Variants in GCFC2 observed in about 807,000 individuals in gnomAD.
GCFC2 encodes GC-rich sequence DNA-binding factor 2.
Under a neutral mutation model 99.4 loss-of-function variants are expected in GCFC2, and 102 were observed. The ratio of observed to expected loss-of-function variants is 1.03; its 90% CI spans 0.87 to 1.21. GCFC2 has a LOEUF of 1.21. GCFC2 is among the 50% of genes most tolerant of loss of function. The pLI, the probability that GCFC2 is intolerant of heterozygous loss-of-function variation, is 0.00. For synonymous variants in GCFC2, 338 were observed against 316.8 expected, an observed-to-expected ratio of 1.07 and a Z score of -0.71; for missense variants, 973 against 920.9, an observed-to-expected ratio of 1.06 and a Z score of -0.73.
chr2:75,667,817 C>G (rs1444489781), intron 15 of GCFC2, among the ~76,000 whole-genome samples: 2 of 152,152 alleles, frequency 1.3e-5, no homozygotes, highest in Non-Finnish European at 2.9e-5. Flanking sequence ...ATAATAGACC[C>G]TATGGTCAAA....
In GCFC2 at chr2:75,680,227, G is replaced by C. The variant is rs770117961; in HGVS notation, c.1778C>G (p.Ser593Cys). ...TTTACTAACTTCATTTTCACAAGTG[G>C]AATGTTCTTCAAGAATCACTCTGCA... Reference protein sequence around the residue: ...THCRVILEEHSTCENEVSKSR... With the variant: ...THCRVILEEHCTCENEVSKSR... The change falls in exon 12 of 17, where the codon TCC becomes TGC. Residue 593 changes from serine to cysteine, a missense_variant. Ser to Cys is a moderately radical substitution (Grantham distance 112). Coordinates refer to ENST00000321027, the MANE Select transcript of GCFC2 (RefSeq NM_003203.5). 6.2e-7 allele frequency: 1 copy of C among 1,605,766 alleles called. No individual in the cohort carries two copies. The highest frequency in any genetic ancestry group is 8.5e-7 in the Non-Finnish European group (1 of 1,173,014).
chr2:75,705,841 T>C (rs545480443), intron 2 of GCFC2, among the ~76,000 whole-genome samples: 74 of 152,290 alleles, frequency 4.9e-4, no homozygotes, highest in Non-Finnish European at 8.5e-4. Flanking sequence ...ATAAATATTT[T>C]TCACTTTGCG....
At chr2:75,692,986 G>C (rs1302641795) in intron 6 of GCFC2, among the ~76,000 whole-genome samples, 1 of 152,062 alleles carries the variant, frequency 6.6e-6, no homozygotes, top group Non-Finnish European at 1.5e-5. Context: ...TAATGCACAG[G>C]CTGACAAAAT....
At position 75,664,717 on chromosome 2, in the gene GCFC2, G is replaced by A; in HGVS notation, c.2295C>T (p.Phe765=). The A allele has an allele frequency of 1.9e-6, 3 of 1,569,586 alleles. No individual in the cohort carries two copies. The highest frequency in any genetic ancestry group is 1.1e-5 in the South Asian group (1 of 90,056). Residue 765 remains phenylalanine, a synonymous_variant, in exon 17 of 17, where the codon TTC becomes TTT. Coordinates refer to ENST00000321027, the MANE Select transcript of GCFC2 (RefSeq NM_003203.5). ...GATGGTCTAGGTGATGCTCTCCTAT[G>A]AAGGATTCTGCTTGATTCAAAGCTT... is the stretch of plus-strand genomic sequence containing the variant. The part of the protein sequence containing the change: ...KIKALNQAES[F]IGEHHLDHLK...
At position 75,690,095 on chromosome 2, in the gene GCFC2, C is replaced by T. The variant is rs1245333690; in HGVS notation, c.1227-14G>A. ...CTTCTTTTTGTCCTATATTTTGCAA[C>T]AAACCAAAAATAAACAAAAAGTAAG... is the stretch of plus-strand genomic sequence containing the variant. On this transcript the variant is annotated splice_polypyrimidine_tract_variant and intron_variant, in intron 8 of 16. Transcript: ENST00000321027. 6.7e-7 allele frequency: 1 copy of T among 1,489,490 alleles called. No individual in the cohort carries two copies. Among genetic ancestry groups the T allele is most frequent in the African/African-American group, 1.4e-5 (1 of 71,578 alleles). The allele number at this position is 1,489,490 out of a possible 1,614,324, so 92.3% of individuals were successfully genotyped here. A position where few individuals can be genotyped will look rare whatever the true frequency, so the allele number is the denominator to read the frequency against.
chr2:75,696,859 C>T (rs1471080442), intron 4 of GCFC2, among the ~76,000 whole-genome samples: 2 of 152,032 alleles, frequency 1.3e-5, no homozygotes, highest in Non-Finnish European at 2.9e-5. Flanking sequence ...AATCTCGGCT[C>T]ACTGCAAGCT....
intron 12 of GCFC2, chr2:75,679,989 T>C (rs1679497347): frequency 6.3e-6 from 3 of 472,638 alleles, no homozygotes; most frequent in Non-Finnish European, 1.1e-5. Flanking sequence ...AGATAAAAAA[T>C]AGCCAAGTCC....
intron 2 of GCFC2, among the ~76,000 whole-genome samples, chr2:75,704,850 A>AT (rs538570199): frequency 4.9e-4 from 74 of 152,056 alleles, no homozygotes; most frequent in African/African-American, 1.7e-3. Context: ...TAATTTTTAC[A>AT]TTTTTAGTAA....
At chr2:75,712,054 A>G (rs1305507280), upstream of GCFC2, among the ~76,000 whole-genome samples, 2 of 152,258 alleles carry the variant, frequency 1.3e-5, no homozygotes, top group Non-Finnish European at 2.9e-5. Flanking sequence ...TGGTGGGGAC[A>G]TAGAGAGTCT....
At chr2:75,702,159 T>C (rs1558751974) in intron 3 of GCFC2, 40 bp downstream of exon 3, 2 of 1,578,114 alleles carry the variant, frequency 1.3e-6, no homozygotes, top group Non-Finnish European at 1.7e-6. Context: ...TATATTCTAA[T>C]AAAAAATATC....
chr2:75,672,278 ATATGTTTATAAAAT>A (rs1679136650), intron 13 of GCFC2, among the ~76,000 whole-genome samples: 2 of 126,600 alleles, frequency 1.6e-5, no homozygotes, highest in Non-Finnish European at 3.3e-5. Context: ...ATATTTATAA[ATATGTTTATAAAAT>A]ATATATTTAT....
chr2:75,704,847 TACA>T lies in GCFC2; in HGVS notation c.394+1673_394+1675del, dbSNP rs1243399335. ...CATGCCACCATGCCTGGCTAATTTT[TACA>T]TTTTTAGTAAAGCCAGGGTTTCACC... On this transcript the variant is annotated intron_variant, in intron 2 of 16. Coordinates refer to ENST00000321027, the MANE Select transcript of GCFC2 (RefSeq NM_003203.5). Among the ~76,000 whole-genome samples, 62 of 152,338 alleles carry T rather than the reference TACA, an allele frequency of 4.1e-4. 1 individual carries two copies. The highest frequency in any genetic ancestry group is 1.5e-3 in the African/African-American group (61 of 41,588).
intron 4 of GCFC2, among the ~76,000 whole-genome samples, chr2:75,698,503 A>G (rs562696537): frequency 4.9e-4 from 75 of 152,338 alleles, no homozygotes; most frequent in Middle Eastern, 6.8e-3. Flanking sequence ...ATCAGTTGTT[A>G]TAACGATATA....
At chr2:75,667,479 T>C (rs1678897041) in intron 15 of GCFC2, among the ~76,000 whole-genome samples, 1 of 152,222 alleles carries the variant, frequency 6.6e-6, no homozygotes, top group Non-Finnish European at 1.5e-5. Context: ...ATTTAAAACA[T>C]GGTTGAGGAA....
chr2:75,710,266 G>A (rs1341422329), intron 1 of GCFC2, among the ~76,000 whole-genome samples: 1 of 152,182 alleles, frequency 6.6e-6, no homozygotes, highest in Non-Finnish European at 1.5e-5. Context: ...GAACTTTGTT[G>A]TGACAGTTTA....
chr2:75,673,655 CA>C (rs1183356385), intron 12 of GCFC2, 135 bp from the exon 13 acceptor site: 26 of 602,974 alleles, frequency 4.3e-5, no homozygotes, highest in South Asian at 6.3e-5. Flanking sequence ...CAATTGGGTA[CA>C]AAAAAAACCT....
chr2:75,709,590 G>C (rs1411071656), intron 1 of GCFC2, among the ~76,000 whole-genome samples: 1 of 152,132 alleles, frequency 6.6e-6, no homozygotes, highest in African/African-American at 2.4e-5. Flanking sequence ...ACTGGTCAAA[G>C]GGCACACATT....
chr2:75,706,729 G>T, intron 1 of GCFC2, 78 bp from the exon 2 acceptor site: 1 of 929,228 alleles, frequency 1.1e-6, no homozygotes, highest in Non-Finnish European at 1.7e-6. Context: ...AACAACACAT[G>T]GCATATGTAT....
Position 75,703,294 on chromosome 2 carries a change from G to C in GCFC2, c.395-871C>G, listed in dbSNP as rs557570356. Reference sequence around the variant, plus strand: ...ACTACTAAAAAGATGTCAAGCTACTGAGGCTGAAGTGAAATTTTCTAAACT... The same window carrying C: ...ACTACTAAAAAGATGTCAAGCTACTCAGGCTGAAGTGAAATTTTCTAAACT... On this transcript the variant is annotated intron_variant, in intron 2 of 16. Coordinates refer to ENST00000321027, the MANE Select transcript of GCFC2 (RefSeq NM_003203.5). Among the ~76,000 whole-genome samples the C allele has an allele frequency of 4.6e-5, 7 of 152,272 alleles. No homozygotes were observed. The South Asian group carries it at 1.2e-3, about 27-fold the overall frequency.
Sources: allele counts gnomAD v4.1 joint callset (sites outside exome capture counted in the v4.1 genomes callset), GRCh38; gene constraint gnomAD v4.1.1; transcripts MANE v1.5; gene names NCBI Gene and HGNC (gene_info 2026-07-23, HGNC 2026-07-21).